RBMS1: variants seen among roughly 807,000 people sequenced by gnomAD.
RBMS1 encodes RNA-binding motif, single-stranded-interacting protein 1.
In RBMS1, 17 loss-of-function variants were observed where a neutral mutation model predicts 62.3. That is an observed-to-expected ratio of 0.27 (90% CI 0.19 to 0.41). RBMS1 has a LOEUF of 0.41. Ranked by LOEUF, RBMS1 falls within the 10% of genes least tolerant of loss-of-function variation. RBMS1 has a pLI of 1.00. For synonymous variants in RBMS1, 172 were observed against 170.0 expected, an observed-to-expected ratio of 1.01 and a Z score of -0.09; for missense variants, 334 against 504.5, an observed-to-expected ratio of 0.66 and a Z score of 3.24.
intron 2 of RBMS1, among the ~76,000 whole-genome samples, chr2:160,337,119 TTTTTCTTTTTC>T (rs1163156627): frequency 2.0e-5 from 3 of 150,834 alleles, no homozygotes; most frequent in Non-Finnish European, 4.4e-5. Context: ...TTTCTTTTCG[TTTTTCTTTTTC>T]TTTTCTTTTT....
chr2:160,283,502 C>T (rs1194116490), intron 9 of RBMS1: 1 of 152,194 alleles, frequency 6.6e-6, no homozygotes, highest in Non-Finnish European at 1.5e-5. Context: ...CGAGTGACAA[C>T]TCAGGGAAAG....
chr2:160,429,328 G>A (rs1271360085), intron 1 of RBMS1, among the ~76,000 whole-genome samples: 1 of 152,066 alleles, frequency 6.6e-6, no homozygotes, highest in Non-Finnish European at 1.5e-5. Flanking sequence ...AGGAGAAAGT[G>A]GGCATCTTCT....
At chr2:160,403,974 A>G (rs1386257468) in intron 1 of RBMS1, among the ~76,000 whole-genome samples, 1 of 152,224 alleles carries the variant, frequency 6.6e-6, no homozygotes, top group Admixed American at 6.5e-5. Flanking sequence ...TTTTGTTTCA[A>G]AACACACTAA....
intron 6 of RBMS1, among the ~76,000 whole-genome samples, chr2:160,288,049 A>AC (rs1187504084): frequency 6.6e-6 from 1 of 151,628 alleles, no homozygotes; most frequent in Non-Finnish European, 1.5e-5. Flanking sequence ...AGAGTTAAAA[A>AC]AAAAAAAAAG....
intron 1 of RBMS1, among the ~76,000 whole-genome samples, chr2:160,431,031 T>G (rs1313545100): frequency 6.6e-6 from 1 of 150,844 alleles, no homozygotes; most frequent in Non-Finnish European, 1.5e-5. Context: ...AGAAAGACAC[T>G]GGATTTTTCC....
At chr2:160,321,079 C>A (rs1436485289) in intron 2 of RBMS1, among the ~76,000 whole-genome samples, 1 of 151,948 alleles carries the variant, frequency 6.6e-6, no homozygotes, top group Non-Finnish European at 1.5e-5. Flanking sequence ...AAAGGGTTGG[C>A]CTTCGACACT....
chr2:160,380,118 A>C (rs1335451832), intron 1 of RBMS1, among the ~76,000 whole-genome samples: 2 of 152,182 alleles, frequency 1.3e-5, no homozygotes, highest in African/African-American at 4.8e-5. Context: ...AGTTTTGTAA[A>C]TCTCAGCCTT....
intron 1 of RBMS1, among the ~76,000 whole-genome samples, chr2:160,436,132 C>T (rs1683100599): frequency 1.3e-5 from 2 of 152,230 alleles, no homozygotes; most frequent in South Asian, 4.1e-4. Context: ...ACTGTCAACT[C>T]CTTCCTTTCT....
chr2:160,351,340 AAAAG>A (rs997045713), intron 2 of RBMS1, among the ~76,000 whole-genome samples: 3 of 152,110 alleles, frequency 2.0e-5, no homozygotes, highest in African/African-American at 7.2e-5. Flanking sequence ...TAATAAAAAA[AAAAG>A]AGAGAATGAA....
At chr2:160,380,846 C>T (rs1359419149) in intron 1 of RBMS1, among the ~76,000 whole-genome samples, 4 of 152,198 alleles carry the variant, frequency 2.6e-5, no homozygotes, top group South Asian at 2.1e-4. Flanking sequence ...TGCTCTTCCC[C>T]GCAACCCAGT....
At chr2:160,324,884 A>ATATATG (rs1455460685) in intron 2 of RBMS1, among the ~76,000 whole-genome samples, 1 of 49,398 alleles carries the variant, frequency 2.0e-5, no homozygotes, top group Non-Finnish European at 5.0e-5. Flanking sequence ...GTGTGTGTGT[A>ATATATG]TATATATATA....
intron 1 of RBMS1, among the ~76,000 whole-genome samples, chr2:160,490,863 A>G (rs1266434112): frequency 6.6e-6 from 1 of 152,156 alleles, no homozygotes; most frequent in Admixed American, 6.5e-5. Flanking sequence ...AGAAGTTTCA[A>G]AATGACTCTG....
chr2:160,287,796 A>G (rs1358561409), intron 6 of RBMS1, among the ~76,000 whole-genome samples: 1 of 152,140 alleles, frequency 6.6e-6, no homozygotes, highest in Non-Finnish European at 1.5e-5. Flanking sequence ...CTGTTGTGAG[A>G]AAGCTAAAAA....
Position 160,353,165 on chromosome 2 carries a change from TAA to T in RBMS1, c.251+14049_251+14050del, listed in dbSNP as rs570362623. On this transcript the variant is annotated intron_variant, in intron 2 of 13. Coordinates refer to ENST00000348849, the MANE Select transcript of RBMS1 (RefSeq NM_016836.4). ...AAAACTGTCTCACTGTTCTCCCTGA[TAA>T]GTTTATAAATGTAAATTTGTACTTA... Among the ~76,000 whole-genome samples the T allele has an allele frequency of 5.4e-3, 820 of 152,262 alleles. 11 individuals carry two copies. The highest frequency in any genetic ancestry group is 0.019 in the African/African-American group (772 of 41,572).
intron 2 of RBMS1, among the ~76,000 whole-genome samples, chr2:160,329,194 C>G (rs925129170): frequency 6.6e-6 from 1 of 152,136 alleles, no homozygotes; most frequent in South Asian, 2.1e-4. Context: ...GTCTGAAGAA[C>G]AGACTGACAA....
chr2:160,406,463 GATA>G (rs2105241796), intron 1 of RBMS1, among the ~76,000 whole-genome samples: 1 of 152,308 alleles, frequency 6.6e-6, no homozygotes, highest in African/African-American at 2.4e-5. Context: ...TCCTTTTTGG[GATA>G]ATAACTTAAT....
At chr2:160,398,611 T>C (rs1261456376) in intron 1 of RBMS1, among the ~76,000 whole-genome samples, 1 of 152,214 alleles carries the variant, frequency 6.6e-6, no homozygotes, top group Non-Finnish European at 1.5e-5. Context: ...ATCCCTGGTG[T>C]CTGGACACCA....
chr2:160,397,122 A>G (rs1695190379), intron 1 of RBMS1, among the ~76,000 whole-genome samples: 1 of 151,994 alleles, frequency 6.6e-6, no homozygotes, highest in African/African-American at 2.4e-5. Context: ...GAGGGTCAGG[A>G]TACCATGCCA....
chr2:160,434,361 C>T (rs1453200640), intron 1 of RBMS1, among the ~76,000 whole-genome samples: 1 of 152,126 alleles, frequency 6.6e-6, no homozygotes, highest in Admixed American at 6.5e-5. Flanking sequence ...TAGTTTCAGT[C>T]CATCCAATTA....
Sources: allele counts gnomAD v4.1 joint callset (sites outside exome capture counted in the v4.1 genomes callset), GRCh38; gene constraint gnomAD v4.1.1; transcripts MANE v1.5; gene names NCBI Gene and HGNC (gene_info 2026-07-23, HGNC 2026-07-21).